Variants in SCAI observed in about 807,000 individuals in gnomAD.
The protein encoded by SCAI is protein SCAI.
A neutral mutation model predicts 92.2 loss-of-function variants in SCAI; 24 were observed. The ratio of observed to expected loss-of-function variants is 0.26; its 90% CI spans 0.19 to 0.37. The LOEUF (loss-of-function observed/expected upper bound fraction) is 0.37. Ranked by LOEUF, SCAI falls within the 10% of genes least tolerant of loss-of-function variation. SCAI has a pLI of 1.00. For synonymous variants in SCAI, 261 were observed against 258.6 expected (o/e 1.01, Z -0.09); for missense variants, 450 against 736.2 (o/e 0.61, Z 4.50).
chr9:125,112,073 G>A (rs563221555), intron 2 of SCAI, among the ~76,000 whole-genome samples: 11 of 152,234 alleles, frequency 7.2e-5, no homozygotes, highest in East Asian at 3.9e-4. Context: ...ACACACAAGC[G>A]ATAATAGTGC....
intron 3 of SCAI, among the ~76,000 whole-genome samples, chr9:125,039,522 T>C (rs1023831024): frequency 1.3e-5 from 2 of 152,164 alleles, no homozygotes; most frequent in Non-Finnish European, 2.9e-5. Context: ...TTTTGCTGCA[T>C]AACAAGCCAC....
intron 17 of SCAI, among the ~76,000 whole-genome samples, chr9:124,955,462 A>C (rs1831300825): frequency 6.6e-6 from 1 of 151,842 alleles, no homozygotes; most frequent in South Asian, 2.1e-4. Flanking sequence ...TCTACCAAAA[A>C]ATACAAAAAT....
At chr9:125,043,166 C>T (rs1833362336) in intron 3 of SCAI, among the ~76,000 whole-genome samples, 1 of 151,074 alleles carries the variant, frequency 6.6e-6, no homozygotes, top group African/African-American at 2.4e-5. Context: ...CTGTGCCTGG[C>T]CTGCTCCCTG....
In SCAI at chr9:124,947,230, T is replaced by G. The variant is rs1225924446; in HGVS notation, c.*5577A>C. Reference sequence around the variant, plus strand: ...CTATTAAGCCCCAATATACATAATTTACTACTCAGTAATAATACTTAAATA... The same window carrying G: ...CTATTAAGCCCCAATATACATAATTGACTACTCAGTAATAATACTTAAATA... On this transcript the variant is annotated 3_prime_UTR_variant, in exon 18 of 18. Coordinates refer to ENST00000336505, the MANE Select transcript of SCAI (RefSeq NM_001144877.3). The G allele has an allele frequency of 6.6e-6, 1 of 152,208 alleles. No homozygotes were observed. The highest frequency in any genetic ancestry group is 1.5e-5 in the Non-Finnish European group (1 of 68,032). 9.4% of individuals were successfully genotyped at this position (152,208 alleles called of 1,614,324 possible). A position where few individuals can be genotyped will look rare whatever the true frequency, so the allele number is the denominator to read the frequency against.
At chr9:125,122,551 T>G (rs1324460816) in intron 2 of SCAI, among the ~76,000 whole-genome samples, 1 of 134,230 alleles carries the variant, frequency 7.4e-6, no homozygotes, top group East Asian at 2.3e-4. Flanking sequence ...ATTGCGCTAC[T>G]GCACTCCAGC....
chr9:125,082,651 G>C (rs1167382658), intron 2 of SCAI, among the ~76,000 whole-genome samples: 1 of 152,252 alleles, frequency 6.6e-6, no homozygotes, highest in Non-Finnish European at 1.5e-5. Flanking sequence ...GACCATGGGA[G>C]CCTACCTCTT....
At chr9:124,965,246 CG>C (rs993832622) in intron 17 of SCAI, among the ~76,000 whole-genome samples, 28 of 151,580 alleles carry the variant, frequency 1.8e-4, no homozygotes, top group Non-Finnish European at 3.4e-4. Context: ...GTGTGTATGT[CG>C]GGGGGGAATG....
intron 11 of SCAI, 141 bp downstream of exon 11, chr9:125,002,973 T>C (rs941186885): frequency 3.6e-6 from 2 of 557,876 alleles, no homozygotes; most frequent in African/African-American, 3.8e-5. Flanking sequence ...AAATATCTAT[T>C]ATCAGGATCA....
At chr9:125,054,897 G>A (rs1833633080) in intron 3 of SCAI, among the ~76,000 whole-genome samples, 1 of 152,188 alleles carries the variant, frequency 6.6e-6, no homozygotes, top group Non-Finnish European at 1.5e-5. Flanking sequence ...TCATTTTAAT[G>A]CGGGAGAGAC....
intron 14 of SCAI, among the ~76,000 whole-genome samples, chr9:124,982,469 C>T (rs1164090400): frequency 6.6e-6 from 1 of 151,744 alleles, no homozygotes; most frequent in Non-Finnish European, 1.5e-5. Context: ...GTCAGGAGTT[C>T]GACACCAGCC....
At position 125,018,095 on chromosome 9, in the gene SCAI, T is replaced by G. The variant is rs548929083; in HGVS notation, c.861+704A>C. On this transcript the variant is annotated intron_variant, in intron 9 of 17. Coordinates refer to ENST00000336505, the MANE Select transcript of SCAI (RefSeq NM_001144877.3). ...GGACATATACATTTTGGAAACTTTA[T>G]TATTATTATTAATTTTTGAGACAGA... Among the ~76,000 whole-genome samples the G allele has an allele frequency of 4.6e-5, 7 of 152,050 alleles. No homozygotes were observed. The East Asian group carries it at 5.8e-4, about 13-fold the overall frequency.
intron 2 of SCAI, 82 bp downstream of exon 2, chr9:125,142,551 C>G (rs1835691301): frequency 2.1e-6 from 2 of 955,282 alleles, no homozygotes; most frequent in African/African-American, 3.3e-5. Flanking sequence ...CATCTACTGA[C>G]AGTATACAAT....
At chr9:124,999,535 T>A (rs981593923) in intron 13 of SCAI, among the ~76,000 whole-genome samples, 1 of 151,938 alleles carries the variant, frequency 6.6e-6, no homozygotes, top group Non-Finnish European at 1.5e-5. Context: ...AAGAAAAAAA[T>A]TTGTTTAAAA....
chr9:124,971,200 A>AT (rs1397321010), intron 17 of SCAI, 170 bp downstream of exon 17: 3 of 422,536 alleles, frequency 7.1e-6, no homozygotes, highest in Admixed American at 4.1e-5. Context: ...ATTCAAATGT[A>AT]TTTTTTTACT....
chr9:125,045,434 G>C (rs1160985374), intron 3 of SCAI, among the ~76,000 whole-genome samples: 1 of 152,132 alleles, frequency 6.6e-6, no homozygotes, highest in Admixed American at 6.6e-5. Context: ...TTGAACTCCT[G>C]GCTTCAAGCA....
chr9:125,005,873 C>T (rs1029111178), intron 9 of SCAI, among the ~76,000 whole-genome samples: 3 of 152,160 alleles, frequency 2.0e-5, no homozygotes, highest in Non-Finnish European at 1.5e-5. Flanking sequence ...GGAAACTCTA[C>T]CTTAGCCTTT....
At chr9:125,130,629 T>C (rs888289915) in intron 2 of SCAI, among the ~76,000 whole-genome samples, 3 of 151,808 alleles carry the variant, frequency 2.0e-5, no homozygotes, top group Non-Finnish European at 2.9e-5. Context: ...TTCCCCTGAC[T>C]CAGCCTCCTG....
At chr9:125,032,699 C>T (rs7873047) in intron 3 of SCAI, among the ~76,000 whole-genome samples, 25,730 of 151,054 alleles carry the variant, frequency 0.17, 2,351 homozygotes, top group East Asian at 0.23. Context: ...CTTCAACCTC[C>T]GCCTCCTGGG....
At chr9:125,136,206 T>G (rs1193393957) in intron 2 of SCAI, among the ~76,000 whole-genome samples, 1 of 145,024 alleles carries the variant, frequency 6.9e-6, no homozygotes, top group Non-Finnish European at 1.5e-5. Flanking sequence ...CACCTCCCAG[T>G]CTCAGCTGAT....
Sources: gnomAD v4.1 joint callset for allele counts (sites outside exome capture counted in the v4.1 genomes callset) on GRCh38, gnomAD v4.1.1 for gene constraint, MANE v1.5 for transcripts, NCBI Gene and HGNC (gene_info 2026-07-23, HGNC 2026-07-21) for gene names.